ADAMTS17: variants seen among roughly 807,000 people sequenced by gnomAD.
ADAMTS17 encodes the protein ADAM metallopeptidase with thrombospondin type 1 motif 17.
In ADAMTS17, 113 loss-of-function variants were observed where a neutral mutation model predicts 141.5. That is an observed-to-expected ratio of 0.80 (90% CI 0.69 to 0.93). The LOEUF (loss-of-function observed/expected upper bound fraction) is 0.93, where lower values mean the gene tolerates loss of function less well. Ranked by LOEUF, ADAMTS17 falls within the 40% of genes least tolerant of loss-of-function variation. ADAMTS17 has a pLI of 0.00. For missense variants in ADAMTS17, 1,659 were observed against 1,517.9 expected, an observed-to-expected ratio of 1.09 and a Z score of -1.54; for synonymous variants, 768 against 630.6, an observed-to-expected ratio of 1.22 and a Z score of -3.27.
chr15:100,301,265 ATGGT>A (rs2045022279), intron 3 of ADAMTS17, among the ~76,000 whole-genome samples: 1 of 151,964 alleles, frequency 6.6e-6, no homozygotes, highest in Admixed American at 6.6e-5. Flanking sequence ...AAAGTTGATA[ATGGT>A]TGATCTTCTG....
intron 12 of ADAMTS17, among the ~76,000 whole-genome samples, chr15:100,126,960 A>G (rs1226740635): frequency 6.6e-6 from 1 of 152,184 alleles, no homozygotes; most frequent in Non-Finnish European, 1.5e-5. Context: ...GTGCCGAGGG[A>G]GACTTAAGCA....
chr15:99,981,287 GGTGTCTCCAAA>G (rs2060477800), intron 20 of ADAMTS17, among the ~76,000 whole-genome samples: 1 of 152,144 alleles, frequency 6.6e-6, no homozygotes, highest in African/African-American at 2.4e-5. Flanking sequence ...ATCATGGAAG[GGTGTCTCCAAA>G]GTCCTTCAAC....
chr15:100,162,438 A>G (rs1244680740), intron 8 of ADAMTS17, among the ~76,000 whole-genome samples: 2 of 137,260 alleles, frequency 1.5e-5, no homozygotes. Flanking sequence ...AGTTATATAT[A>G]CACATATAGT....
chr15:100,087,734 A>C (rs2035200778), intron 15 of ADAMTS17, among the ~76,000 whole-genome samples: 1 of 152,222 alleles, frequency 6.6e-6, no homozygotes, highest in African/African-American at 2.4e-5. Flanking sequence ...CCAAAGACAA[A>C]AACCACATGA....
intron 15 of ADAMTS17, among the ~76,000 whole-genome samples, chr15:100,056,050 G>A (rs188244549): frequency 5.4e-4 from 82 of 152,270 alleles, no homozygotes; most frequent in African/African-American, 1.9e-3. Flanking sequence ...GCAAAGGTAA[G>A]GCCTGTTTTC....
intron 18 of ADAMTS17, among the ~76,000 whole-genome samples, chr15:100,030,034 G>A (rs917026584): frequency 7.2e-5 from 11 of 152,164 alleles, no homozygotes; most frequent in African/African-American, 2.2e-4. Flanking sequence ...ATAATCACCC[G>A]AGGCCTGAGC....
intron 7 of ADAMTS17, among the ~76,000 whole-genome samples, chr15:100,202,328 A>C (rs2041367114): frequency 6.6e-6 from 1 of 152,246 alleles, no homozygotes; most frequent in African/African-American, 2.4e-5. Flanking sequence ...ACTAGAAAAC[A>C]AAGAATCAGT....
At position 100,076,275 on chromosome 15, in the gene ADAMTS17, T is replaced by C. The variant is rs145565081; in HGVS notation, c.2137+20081A>G. 5.1e-4 allele frequency among the ~76,000 whole-genome samples: 77 copies of C among 152,304 alleles called. No homozygotes were observed. The East Asian group carries it at 0.013, about 27-fold the overall frequency. ...GCAGGCTGGTCTGGAACTCCTGACC[T>C]CAGGTGATCCACCTGCCCCGGCCTC... is the stretch of plus-strand genomic sequence containing the variant. On this transcript the variant is annotated intron_variant, in intron 15 of 21. Coordinates refer to ENST00000268070, the MANE Select transcript of ADAMTS17 (RefSeq NM_139057.4).
At chr15:99,977,321 C>G (rs1209881752) in intron 20 of ADAMTS17, among the ~76,000 whole-genome samples, 1 of 113,276 alleles carries the variant, frequency 8.8e-6, no homozygotes, top group Non-Finnish European at 1.7e-5. Flanking sequence ...GTTAAGACTT[C>G]GTGGTTCTGT....
At chr15:100,300,704 C>A (rs1447293556) in intron 3 of ADAMTS17, among the ~76,000 whole-genome samples, 1 of 152,200 alleles carries the variant, frequency 6.6e-6, no homozygotes, top group Non-Finnish European at 1.5e-5. Flanking sequence ...CCTCTAAAAT[C>A]CAACTAGGAG....
chr15:100,123,791 A>G (rs2037574580), intron 12 of ADAMTS17, among the ~76,000 whole-genome samples: 1 of 152,166 alleles, frequency 6.6e-6, no homozygotes, highest in South Asian at 2.1e-4. Context: ...AGCGTGCAAG[A>G]GCTCCTGGAC....
At chr15:99,998,405 C>G (rs1226014516) in intron 18 of ADAMTS17, among the ~76,000 whole-genome samples, 1 of 152,112 alleles carries the variant, frequency 6.6e-6, no homozygotes. Context: ...GAGATCGAGA[C>G]CAGCCTGGCC....
At chr15:100,053,746 G>A (rs1220274115) in intron 16 of ADAMTS17, 151 bp downstream of exon 16, 6 of 1,094,178 alleles carry the variant, frequency 5.5e-6, no homozygotes, top group Non-Finnish European at 8.4e-6. Context: ...AGAGAGGGGA[G>A]AGGACTGAGC....
chr15:100,117,980 C>G (rs2037244200), intron 12 of ADAMTS17, among the ~76,000 whole-genome samples: 1 of 152,210 alleles, frequency 6.6e-6, no homozygotes, highest in African/African-American at 2.4e-5. Flanking sequence ...TTGTGTATTT[C>G]TTTTTCCTCC....
chr15:100,218,848 C>A (rs1428979329), intron 7 of ADAMTS17, among the ~76,000 whole-genome samples: 1 of 152,020 alleles, frequency 6.6e-6, no homozygotes, highest in Non-Finnish European at 1.5e-5. Flanking sequence ...GAAAGATAAG[C>A]AAGTAAACAC....
At chr15:100,165,462 G>T (rs1199118014) in intron 8 of ADAMTS17, among the ~76,000 whole-genome samples, 1 of 152,132 alleles carries the variant, frequency 6.6e-6, no homozygotes, top group Admixed American at 6.5e-5. Flanking sequence ...AATGACACAG[G>T]CTCCCAAATG....
At chr15:100,212,474 C>A (rs142704897) in intron 7 of ADAMTS17, among the ~76,000 whole-genome samples, 49 of 152,272 alleles carry the variant, frequency 3.2e-4, no homozygotes, top group African/African-American at 1.1e-3. Context: ...AGCTAATATG[C>A]ATGTGTGTAT....
intron 3 of ADAMTS17, 57 bp from the exon 4 acceptor site, chr15:100,281,458 G>A: frequency 6.4e-7 from 1 of 1,568,914 alleles, no homozygotes; most frequent in Non-Finnish European, 8.6e-7. Context: ...CCAAAACCAT[G>A]CAGTGAACAG....
At chr15:100,149,956 C>A (rs2039085746) in intron 10 of ADAMTS17, among the ~76,000 whole-genome samples, 1 of 152,234 alleles carries the variant, frequency 6.6e-6, no homozygotes, top group South Asian at 2.1e-4. Context: ...ACAATCACCA[C>A]TGACCAGCTG....
Sources: allele counts gnomAD v4.1 joint callset (sites outside exome capture counted in the v4.1 genomes callset), GRCh38; gene constraint gnomAD v4.1.1; transcripts MANE v1.5; gene names NCBI Gene and HGNC (gene_info 2026-07-23, HGNC 2026-07-21).